MPP7: variants seen among roughly 807,000 people sequenced by gnomAD.
MPP7 encodes MAGUK p55 scaffold protein 7, also known as MAGUK p55 subfamily member 7.
A neutral mutation model predicts 76.5 loss-of-function variants in MPP7; 60 were observed. The ratio of observed to expected loss-of-function variants is 0.78; its 90% CI spans 0.64 to 0.97. The LOEUF (loss-of-function observed/expected upper bound fraction) is 0.97. Ranked by LOEUF, MPP7 falls within the 50% of genes least tolerant of loss-of-function variation. MPP7 has a pLI of 0.00. For synonymous variants in MPP7, 237 were observed against 244.5 expected (o/e 0.97, Z 0.29); for missense variants, 641 against 694.0 (o/e 0.92, Z 0.86).
chr10:28,174,012 G>A (rs1211413424), intron 3 of MPP7, among the ~76,000 whole-genome samples: 6 of 152,138 alleles, frequency 3.9e-5, no homozygotes, highest in Non-Finnish European at 5.9e-5. Context: ...AGTCCCATAC[G>A]AAACATATGA....
At chr10:28,107,514 AG>A (rs1404074349) in intron 11 of MPP7, among the ~76,000 whole-genome samples, 1 of 152,124 alleles carries the variant, frequency 6.6e-6, no homozygotes, top group Non-Finnish European at 1.5e-5. Flanking sequence ...CCAAGCTCTC[AG>A]GGGGTCTCCT....
intron 2 of MPP7, among the ~76,000 whole-genome samples, chr10:28,312,223 C>T (rs1023726585): frequency 6.6e-6 from 1 of 152,132 alleles, no homozygotes; most frequent in African/African-American, 2.4e-5. Context: ...CTGTTTCTGT[C>T]CTATCAGAGT....
At chr10:28,219,270 G>A (rs1007745079) in intron 2 of MPP7, among the ~76,000 whole-genome samples, 1 of 152,128 alleles carries the variant, frequency 6.6e-6, no homozygotes, top group Admixed American at 6.5e-5. Context: ...AGCACAAGAA[G>A]GAAAGACATT....
intron 2 of MPP7, among the ~76,000 whole-genome samples, chr10:28,232,537 A>T (rs892766892): frequency 2.6e-4 from 40 of 152,298 alleles, no homozygotes; most frequent in African/African-American, 8.7e-4. Context: ...TAATTTTTTT[A>T]AAATAATACT....
At chr10:28,187,223 T>G (rs979720726) in intron 3 of MPP7, among the ~76,000 whole-genome samples, 8 of 152,148 alleles carry the variant, frequency 5.3e-5, no homozygotes, top group Non-Finnish European at 1.2e-4. Flanking sequence ...GGCTCCCAAT[T>G]TCTCATCCTT....
chr10:28,326,846 C>T (rs543321283), intron 2 of MPP7, among the ~76,000 whole-genome samples: 1 of 152,198 alleles, frequency 6.6e-6, no homozygotes, highest in African/African-American at 2.4e-5. Flanking sequence ...CTCCCGGGCT[C>T]TGTCTGCTGC....
intron 12 of MPP7, among the ~76,000 whole-genome samples, chr10:28,077,249 C>T (rs1376774432): frequency 6.6e-6 from 1 of 152,150 alleles, no homozygotes; most frequent in South Asian, 2.1e-4. Context: ...CAAGCAAGCT[C>T]ACGACACCCA....
chr10:28,158,193 G>A, intron 3 of MPP7, among the ~76,000 whole-genome samples: 1 of 152,002 alleles, frequency 6.6e-6, no homozygotes, highest in East Asian at 1.9e-4. Context: ...CCAAAGCTGA[G>A]GAAAAAGAAG....
intron 5 of MPP7, among the ~76,000 whole-genome samples, chr10:28,145,734 T>C (rs1835681859): frequency 6.6e-6 from 1 of 152,212 alleles, no homozygotes; most frequent in Non-Finnish European, 1.5e-5. Context: ...TGAATATACG[T>C]CTTTCATGCT....
At chr10:28,178,349 A>C (rs1334367000) in intron 3 of MPP7, among the ~76,000 whole-genome samples, 1 of 152,066 alleles carries the variant, frequency 6.6e-6, no homozygotes. Context: ...AGATCTTCCA[A>C]TCAGCTCTTT....
intron 12 of MPP7, among the ~76,000 whole-genome samples, chr10:28,070,808 C>A (rs980141328): frequency 2.0e-5 from 3 of 152,086 alleles, no homozygotes; most frequent in Admixed American, 2.0e-4. Context: ...ATTATGAGTC[C>A]GGGACCAGAA....
At chr10:28,195,938 G>A (rs1444678274) in intron 3 of MPP7, among the ~76,000 whole-genome samples, 2 of 152,154 alleles carry the variant, frequency 1.3e-5, no homozygotes, top group South Asian at 4.1e-4. Flanking sequence ...TTTGACAGTA[G>A]GTGAATTATA....
At chr10:28,063,370 G>A (rs1486144861) in intron 13 of MPP7, among the ~76,000 whole-genome samples, 4 of 151,704 alleles carry the variant, frequency 2.6e-5, no homozygotes, top group African/African-American at 9.7e-5. Flanking sequence ...GCTGAGGTGG[G>A]AGAATCACTT....
chr10:28,141,693 T>C (rs1180284958), intron 5 of MPP7, among the ~76,000 whole-genome samples: 3 of 152,110 alleles, frequency 2.0e-5, no homozygotes, highest in Non-Finnish European at 2.9e-5. Flanking sequence ...TCCAGGGTTA[T>C]ATAAGGAACA....
At chr10:28,249,998 A>G (rs1228277061) in intron 1 of MPP7, among the ~76,000 whole-genome samples, 1 of 130,012 alleles carries the variant, frequency 7.7e-6, no homozygotes, top group Non-Finnish European at 1.7e-5. Context: ...CTATATATCC[A>G]TCTCTTGAAA....
intron 1 of MPP7, among the ~76,000 whole-genome samples, chr10:28,290,693 G>A (rs947429268): frequency 2.0e-5 from 3 of 151,898 alleles, no homozygotes; most frequent in South Asian, 2.1e-4. Flanking sequence ...GACTGGTCTC[G>A]AACGCCTGAC....
chr10:28,225,268 T>C (rs1838651338), intron 2 of MPP7, among the ~76,000 whole-genome samples: 1 of 152,170 alleles, frequency 6.6e-6, no homozygotes, highest in Admixed American at 6.5e-5. Flanking sequence ...TATTTGATCA[T>C]GGATTCTTAG....
chr10:28,195,747 A>T (rs1837560480), intron 3 of MPP7, among the ~76,000 whole-genome samples: 1 of 152,224 alleles, frequency 6.6e-6, no homozygotes, highest in South Asian at 2.1e-4. Context: ...GAATGCAAGG[A>T]TTGAAGAATG....
At chr10:28,207,773 A>G (rs1301447498) in intron 2 of MPP7, among the ~76,000 whole-genome samples, 1 of 152,146 alleles carries the variant, frequency 6.6e-6, no homozygotes, top group Non-Finnish European at 1.5e-5. Context: ...GGATCTGAAA[A>G]AGGAAAACAG....
Sources: allele counts gnomAD v4.1 joint callset (sites outside exome capture counted in the v4.1 genomes callset), GRCh38; gene constraint gnomAD v4.1.1; transcripts MANE v1.5; gene names NCBI Gene and HGNC (gene_info 2026-07-23, HGNC 2026-07-21).